LRCH1: variants seen among roughly 807,000 people sequenced by gnomAD.
LRCH1 encodes the protein leucine rich repeats and calponin homology domain containing 1, also known as leucine-rich repeat and calponin homology domain-containing protein 1.
A neutral mutation model predicts 94.9 loss-of-function variants in LRCH1; 23 were observed. The observed-to-expected ratio is 0.24, with a 90% CI of 0.17 to 0.34. The LOEUF is 0.34. Among genes scored for constraint, LRCH1 ranks in the 10% least tolerant of loss-of-function variants. The pLI is 1.00. For synonymous variants in LRCH1, 364 were observed against 354.9 expected (o/e 1.03, Z -0.29); for missense variants, 790 against 945.9 (o/e 0.84, Z 2.16).
At chr13:46,722,804 C>T (rs1872645095) in intron 16 of LRCH1, among the ~76,000 whole-genome samples, 1 of 152,220 alleles carries the variant, frequency 6.6e-6, no homozygotes, top group Non-Finnish European at 1.5e-5. Flanking sequence ...TTAACTTGTG[C>T]TTATTTTTAA....
At chr13:46,564,504 G>A (rs971428839) in intron 1 of LRCH1, among the ~76,000 whole-genome samples, 5 of 152,100 alleles carry the variant, frequency 3.3e-5, no homozygotes, top group African/African-American at 9.7e-5. Flanking sequence ...GCCAGGGGTC[G>A]GAGGTTCCCC....
intron 2 of LRCH1, among the ~76,000 whole-genome samples, chr13:46,652,522 T>C (rs1270554008): frequency 6.6e-6 from 1 of 152,224 alleles, no homozygotes; most frequent in East Asian, 1.9e-4. Context: ...ATCTTCACTT[T>C]TGCAGATTTC....
rs143545242 is a variant in LRCH1, at chr13:46,728,981, G to A, written c.2004G>A (p.Ala668=). Residue 668 remains alanine, a synonymous_variant, in exon 18 of 20, where the codon GCG becomes GCA. Transcript: ENST00000389797. ...SVASIHVPSP[A]VPKLSMAKCR... ...CAAGCATCCATGTCCCATCACCAGCGGTTGTAAGTAACACCAAAGGGAAAC... is the reference window on the plus strand; with the variant it reads ...CAAGCATCCATGTCCCATCACCAGCAGTTGTAAGTAACACCAAAGGGAAAC... 26 of 1,611,640 alleles carry A rather than the reference G, an allele frequency of 1.6e-5. No individual in the cohort carries two copies. The African/African-American group carries it at 2.1e-4, about 13-fold the overall frequency.
In LRCH1 at chr13:46,705,060, C is replaced by A; in HGVS notation, c.1401-8C>A. ...CGTTTACTAATATCTTTTTTTCCTA[C>A]TCTTTAGATTAAGCACAGATATTAC... On this transcript the variant is annotated splice_region_variant and splice_polypyrimidine_tract_variant and intron_variant, in intron 11 of 19. Transcript: ENST00000389797. 1.4e-6 allele frequency: 2 copies of A among 1,450,380 alleles called. No homozygotes were observed. The highest frequency in any genetic ancestry group is 1.9e-6 in the Non-Finnish European group (2 of 1,052,284). The allele number at this position is 1,450,380 out of a possible 1,614,324, so 89.8% of individuals were successfully genotyped here.
chr13:46,682,183 T>C (rs1191366745), intron 4 of LRCH1, among the ~76,000 whole-genome samples: 1 of 152,038 alleles, frequency 6.6e-6, no homozygotes, highest in Non-Finnish European at 1.5e-5. Context: ...TCTCACAATT[T>C]TGGAGGCTGG....
At chr13:46,708,362 C>T (rs574386419) in intron 13 of LRCH1, among the ~76,000 whole-genome samples, 10 of 151,328 alleles carry the variant, frequency 6.6e-5, no homozygotes, top group African/African-American at 2.2e-4. Context: ...ACCTCCACCT[C>T]GTGGGTTCAA....
At chr13:46,689,045 A>G (rs1379120415) in intron 6 of LRCH1, 88 bp from the exon 7 acceptor site, 9 of 1,050,398 alleles carry the variant, frequency 8.6e-6, no homozygotes, top group Non-Finnish European at 1.3e-5. Context: ...CAAAATTATT[A>G]TTAGAATATA....
chr13:46,735,974 T>C (rs1430936921), intron 19 of LRCH1, among the ~76,000 whole-genome samples: 2 of 151,974 alleles, frequency 1.3e-5, no homozygotes, highest in African/African-American at 4.8e-5. Flanking sequence ...GTTTTGTATT[T>C]TTAGTAGACA....
intron 7 of LRCH1, among the ~76,000 whole-genome samples, chr13:46,691,381 T>G (rs939692453): frequency 3.5e-4 from 53 of 152,360 alleles, no homozygotes; most frequent in Admixed American, 2.7e-3. Flanking sequence ...TCTTTTTAAC[T>G]ACTACAGTTG....
At position 46,741,813 on chromosome 13, in the gene LRCH1, T is replaced by G; in HGVS notation, c.2257T>G (p.Tyr753Asp). Reference protein sequence around the residue: ...LVHILFIVLVYITYHWNALSA With the variant: ...LVHILFIVLVDITYHWNALSA ...CCATATTCTCTTTATAGTGCTGGTCTATATCACTTACCACTGGAATGCTCT... is the reference window on the plus strand; with the variant it reads ...CCATATTCTCTTTATAGTGCTGGTCGATATCACTTACCACTGGAATGCTCT... Residue 753 changes from tyrosine to aspartate, a missense_variant, in exon 20 of 20, where the codon TAT (tyrosine) becomes GAT (aspartate). Coordinates refer to ENST00000389797, the MANE Select transcript of LRCH1 (RefSeq NM_001164211.2). 6.2e-7 allele frequency: 1 copy of G among 1,614,182 alleles called. No homozygotes were observed. Among genetic ancestry groups the G allele is most frequent in the Non-Finnish European group, 8.5e-7 (1 of 1,180,024 alleles).
At chr13:46,699,786 T>C (rs1414344630) in intron 10 of LRCH1, among the ~76,000 whole-genome samples, 1 of 152,216 alleles carries the variant, frequency 6.6e-6, no homozygotes, top group Non-Finnish European at 1.5e-5. Flanking sequence ...CTTCAAGATC[T>C]GAGAACACCG....
At chr13:46,701,316 C>T in intron 11 of LRCH1, 109 bp downstream of exon 11, 1 of 683,836 alleles carries the variant, frequency 1.5e-6, no homozygotes, top group Non-Finnish European at 2.5e-6. Context: ...TTGGCCCAGT[C>T]CAGCTACTAA....
intron 1 of LRCH1, among the ~76,000 whole-genome samples, chr13:46,594,715 G>A (rs1366340319): frequency 1.3e-5 from 2 of 152,166 alleles, no homozygotes; most frequent in Admixed American, 6.5e-5. Context: ...GAACTGCTTC[G>A]CTTAATTTTG....
At chr13:46,708,655 T>C (rs978802991) in intron 13 of LRCH1, among the ~76,000 whole-genome samples, 8 of 152,232 alleles carry the variant, frequency 5.3e-5, no homozygotes, top group African/African-American at 1.7e-4. Flanking sequence ...ATTGCTATTG[T>C]TATTCAACAT....
At chr13:46,626,026 T>C (rs898146124) in intron 1 of LRCH1, among the ~76,000 whole-genome samples, 1 of 152,238 alleles carries the variant, frequency 6.6e-6, no homozygotes, top group African/African-American at 2.4e-5. Flanking sequence ...ATGGGTCTTA[T>C]ATTCAGCAGT....
At position 46,729,046 on chromosome 13, in the gene LRCH1, G is replaced by A. The variant is rs1243003916; in HGVS notation, c.2007+62G>A. The A allele has an allele frequency of 4.0e-6, 6 of 1,498,292 alleles. No homozygotes were observed. The East Asian group carries it at 7.1e-5, about 18-fold the overall frequency. The allele number at this position is 1,498,292 out of a possible 1,614,324, so 92.8% of individuals were successfully genotyped here. A position where few individuals can be genotyped will look rare whatever the true frequency, so the allele number is the denominator to read the frequency against. ...CAGACCTTTAGGGGGCACTGTTGTT[G>A]GTTTAGGATGTCAATGGTGTCAGTA... On this transcript the variant is annotated intron_variant, in intron 18 of 19. Coordinates refer to ENST00000389797, the MANE Select transcript of LRCH1 (RefSeq NM_001164211.2).
intron 1 of LRCH1, among the ~76,000 whole-genome samples, chr13:46,588,788 A>C (rs779309374): frequency 6.6e-6 from 1 of 151,858 alleles, no homozygotes; most frequent in Non-Finnish European, 1.5e-5. Context: ...TATTTAGTAG[A>C]GACGGGGTTT....
chr13:46,635,882 T>C (rs904375248), intron 1 of LRCH1, among the ~76,000 whole-genome samples: 3 of 152,054 alleles, frequency 2.0e-5, no homozygotes, highest in Non-Finnish European at 4.4e-5. Flanking sequence ...ACATGCTGAT[T>C]TCTTCCCCCA....
chr13:46,648,781 T>G (rs140920339), intron 1 of LRCH1, among the ~76,000 whole-genome samples: 1 of 152,322 alleles, frequency 6.6e-6, no homozygotes, highest in East Asian at 1.9e-4. Context: ...CCTTTTGCTA[T>G]TATCATAAAT....
Sources: gnomAD v4.1 joint callset for allele counts (sites outside exome capture counted in the v4.1 genomes callset) on GRCh38, gnomAD v4.1.1 for gene constraint, MANE v1.5 for transcripts, NCBI Gene and HGNC (gene_info 2026-07-23, HGNC 2026-07-21) for gene names.